Variants in DLG2 observed in about 807,000 individuals in gnomAD.
The protein encoded by DLG2 is discs large MAGUK scaffold protein 2.
A neutral mutation model predicts 132.5 loss-of-function variants in DLG2; 45 were observed. The ratio of observed to expected loss-of-function variants is 0.34; its 90% CI spans 0.27 to 0.44. The LOEUF (loss-of-function observed/expected upper bound fraction) is 0.44. DLG2 is among the 20% of genes least tolerant of loss of function. The probability of loss-of-function intolerance (pLI) is 1.00; values close to 1 mark genes in which losing one functional copy is unlikely to be tolerated. For missense variants in DLG2, 1,045 were observed against 1,196.9 expected, an observed-to-expected ratio of 0.87 and a Z score of 1.87; for synonymous variants, 424 against 419.6, an observed-to-expected ratio of 1.01 and a Z score of -0.13.
chr11:84,966,704 A>G (rs192036304), intron 6 of DLG2, among the ~76,000 whole-genome samples: 190 of 152,310 alleles, frequency 1.2e-3, no homozygotes, highest in African/African-American at 4.4e-3. Flanking sequence ...GGGATCATAC[A>G]TGGTCTTTCC....
chr11:84,129,651 C>A (rs1461195160), intron 9 of DLG2, among the ~76,000 whole-genome samples: 1 of 151,932 alleles, frequency 6.6e-6, no homozygotes, highest in Non-Finnish European at 1.5e-5. Flanking sequence ...CCACTAAATT[C>A]ATTTACCCTG....
intron 6 of DLG2, among the ~76,000 whole-genome samples, chr11:84,843,067 G>A (rs2080911255): frequency 6.6e-6 from 1 of 151,912 alleles, no homozygotes; most frequent in Non-Finnish European, 1.5e-5. Flanking sequence ...GTACAACATA[G>A]TGCCTATAGT....
chr11:84,029,112 A>G (rs2095621025), intron 11 of DLG2, among the ~76,000 whole-genome samples: 1 of 152,102 alleles, frequency 6.6e-6, no homozygotes, highest in Admixed American at 6.6e-5. Context: ...TTAGCAATTT[A>G]TACCTATATT....
At chr11:85,264,306 G>T (rs898601756) in intron 4 of DLG2, among the ~76,000 whole-genome samples, 3 of 152,108 alleles carry the variant, frequency 2.0e-5, no homozygotes, top group Non-Finnish European at 4.4e-5. Context: ...CAGAAACCAG[G>T]GACAAGACTC....
At chr11:84,173,482 T>C (rs2095868475) in intron 8 of DLG2, among the ~76,000 whole-genome samples, 1 of 152,172 alleles carries the variant, frequency 6.6e-6, no homozygotes. Flanking sequence ...TGCAAGCAAG[T>C]GTCCAAAAGT....
chr11:83,588,044 G>A (rs1380960926), intron 19 of DLG2, among the ~76,000 whole-genome samples: 12 of 152,306 alleles, frequency 7.9e-5, no homozygotes, highest in Middle Eastern at 3.4e-3. Flanking sequence ...CAAGGCGGCA[G>A]CGAGGCTAGG....
rs184186019 is a variant in DLG2, at chr11:83,878,450, A to G, written c.1497-3962T>C. Among the ~76,000 whole-genome samples, 23 of 152,270 alleles carry G rather than the reference A, an allele frequency of 1.5e-4. No homozygotes were observed. The East Asian group carries it at 3.3e-3, about 22-fold the overall frequency. On this transcript the variant is annotated intron_variant, in intron 15 of 27. Transcript: ENST00000376104. ...CTGAGACAAACCATATTGTTTTATAAAAAGTTGAAATCAAAGCTCTGTGAC... is the reference window on the plus strand; with the variant it reads ...CTGAGACAAACCATATTGTTTTATAGAAAGTTGAAATCAAAGCTCTGTGAC...
intron 18 of DLG2, among the ~76,000 whole-genome samples, chr11:83,767,722 C>G (rs142371699): frequency 3.3e-5 from 5 of 152,166 alleles, no homozygotes; most frequent in African/African-American, 9.6e-5. Context: ...AGAACCCTAT[C>G]TGATATACAG....
At chr11:84,996,058 AT>A (rs922255655) in intron 6 of DLG2, among the ~76,000 whole-genome samples, 8 of 149,626 alleles carry the variant, frequency 5.3e-5, no homozygotes, top group African/African-American at 1.5e-4. Context: ...TTTGTGGACA[AT>A]TTTTTTTTTC....
Position 83,921,583 on chromosome 11 carries a change from G to A in DLG2, c.1496+8745C>T, listed in dbSNP as rs567268355. Among the ~76,000 whole-genome samples, 69 of 152,228 alleles carry A rather than the reference G, an allele frequency of 4.5e-4. 1 individual carries two copies. In the South Asian group the frequency reaches 6.2e-3, roughly 14 times the overall value. On this transcript the variant is annotated intron_variant, in intron 15 of 27. Coordinates refer to ENST00000376104, the MANE Select transcript of DLG2 (RefSeq NM_001142699.3). ...TGGTTTTAATTAATATCTACGCAAT[G>A]GGTGTTATGGTTTAACGTTACTATC...
chr11:83,543,193 C>G (rs2096132546), intron 19 of DLG2, among the ~76,000 whole-genome samples: 2 of 152,048 alleles, frequency 1.3e-5, no homozygotes, highest in Admixed American at 6.6e-5. Context: ...GTCCAAGCTC[C>G]CGGAATGAAT....
chr11:85,129,384 G>A (rs900765950), intron 5 of DLG2, among the ~76,000 whole-genome samples: 4 of 152,194 alleles, frequency 2.6e-5, no homozygotes, highest in African/African-American at 9.7e-5. Flanking sequence ...AATGGGGTAA[G>A]ATCTAAGGTG....
intron 8 of DLG2, among the ~76,000 whole-genome samples, chr11:84,237,471 A>G (rs2097172917): frequency 6.6e-6 from 1 of 152,190 alleles, no homozygotes; most frequent in Admixed American, 6.5e-5. Flanking sequence ...TTCATGTGAC[A>G]GCTCATTAGA....
At chr11:85,608,376 G>A (rs2080742865) in intron 2 of DLG2, among the ~76,000 whole-genome samples, 1 of 152,080 alleles carries the variant, frequency 6.6e-6, no homozygotes, top group South Asian at 2.1e-4. Flanking sequence ...GGGAAAAATG[G>A]CCACCTGAGG....
intron 8 of DLG2, among the ~76,000 whole-genome samples, chr11:84,214,892 T>C (rs574497274): frequency 6.6e-6 from 1 of 152,298 alleles, no homozygotes; most frequent in East Asian, 1.9e-4. Flanking sequence ...GGAAAAGGTA[T>C]AAATATATCC....
intron 3 of DLG2, among the ~76,000 whole-genome samples, chr11:85,435,508 CACA>C (rs554433823): frequency 3.4e-4 from 51 of 152,054 alleles, no homozygotes; most frequent in South Asian, 2.7e-3. Context: ...AGCATTCTTA[CACA>C]ACAACAAGAG....
chr11:85,417,273 C>G lies in DLG2; in HGVS notation c.41-131908G>C, dbSNP rs569878920. On this transcript the variant is annotated intron_variant, in intron 3 of 27. Transcript: ENST00000376104. The stretch of plus-strand genomic sequence containing the variant: ...ATTGATTTGTGTATATTGAACAAGC[C>G]TTGCATCCCAGAAATGAAGCTGACT... Among the ~76,000 whole-genome samples, 72 of 152,222 alleles carry G rather than the reference C, an allele frequency of 4.7e-4. 2 individuals are homozygous for G. Among genetic ancestry groups the G allele is most frequent in the African/African-American group, 1.6e-3 (66 of 41,548 alleles).
At chr11:84,558,606 T>A (rs2099416675) in intron 6 of DLG2, among the ~76,000 whole-genome samples, 1 of 152,158 alleles carries the variant, frequency 6.6e-6, no homozygotes. Flanking sequence ...GCCTTAAATC[T>A]TCGCTTCTAA....
chr11:83,722,641 C>G (rs2088936059), intron 18 of DLG2, among the ~76,000 whole-genome samples: 1 of 152,136 alleles, frequency 6.6e-6, no homozygotes, highest in African/African-American at 2.4e-5. Flanking sequence ...TAATTGCCAA[C>G]AGAAAGCAGA....
Sources: allele counts gnomAD v4.1 joint callset (sites outside exome capture counted in the v4.1 genomes callset), GRCh38; gene constraint gnomAD v4.1.1; transcripts MANE v1.5; gene names NCBI Gene and HGNC (gene_info 2026-07-23, HGNC 2026-07-21).